Variants in XPR1 observed in about 807,000 individuals in gnomAD.
The protein encoded by XPR1 is xenotropic and polytropic retrovirus receptor 1.
In XPR1, 28 loss-of-function variants were observed where a neutral mutation model predicts 87.5. The observed-to-expected ratio is 0.32, with a 90% confidence interval of 0.24 to 0.44. The LOEUF (loss-of-function observed/expected upper bound fraction) is 0.44. XPR1 is among the 20% of genes least tolerant of loss of function. The pLI is 1.00. For missense variants in XPR1, 559 were observed against 862.3 expected (o/e 0.65, Z 4.41); for synonymous variants, 300 against 306.1 (o/e 0.98, Z 0.21).
chr1:180,887,587 C>T lies in XPR1; in HGVS notation c.*3521C>T, dbSNP rs957215423. On this transcript the variant is annotated 3_prime_UTR_variant, in exon 15 of 15. Coordinates refer to ENST00000367590, the MANE Select transcript of XPR1 (RefSeq NM_004736.4). ...GTAAGATTGGAAAGTAGTCAAAAAC[C>T]CATGTGCAACTTTTTTTCAGCACTC... 6.6e-6 allele frequency: 1 copy of T among 152,118 alleles called. No homozygotes were observed. Among genetic ancestry groups the T allele is most frequent in the Non-Finnish European group, 1.5e-5 (1 of 68,008 alleles). The allele number at this position is 152,118 out of a possible 1,614,324, so 9.4% of individuals were successfully genotyped here.
chr1:180,756,330 C>G (rs1420985659), intron 2 of XPR1, among the ~76,000 whole-genome samples: 1 of 152,226 alleles, frequency 6.6e-6, no homozygotes, highest in African/African-American at 2.4e-5. Flanking sequence ...TTATAGCCAT[C>G]CTGGAGGATA....
intron 2 of XPR1, among the ~76,000 whole-genome samples, chr1:180,698,663 G>A (rs1657249346): frequency 6.6e-6 from 1 of 152,078 alleles, no homozygotes. Flanking sequence ...TTCAGATGTA[G>A]AATTCCCTTA....
In XPR1 at chr1:180,881,134, A is replaced by C. The variant is rs77069487; in HGVS notation, c.2030+837A>C. 1.7e-3 allele frequency among the ~76,000 whole-genome samples: 253 copies of C among 152,282 alleles called. 1 individual carries two copies. The highest frequency in any genetic ancestry group is 5.7e-3 in the African/African-American group (236 of 41,562). ...ATGATTGTAAAAGGCTGAAAATGCA[A>C]ACTTGATCTTGTAGGCAGGAATGAG... On this transcript the variant is annotated intron_variant, in intron 14 of 14. Transcript: ENST00000367590.
At chr1:180,734,467 C>G (rs1284951843) in intron 2 of XPR1, among the ~76,000 whole-genome samples, 1 of 152,166 alleles carries the variant, frequency 6.6e-6, no homozygotes, top group East Asian at 1.9e-4. Flanking sequence ...GGTGAGGGGT[C>G]TGGCATCTTA....
chr1:180,820,050 C>T (rs918934905), intron 7 of XPR1, among the ~76,000 whole-genome samples: 9 of 151,708 alleles, frequency 5.9e-5, no homozygotes, highest in Non-Finnish European at 1.3e-4. Flanking sequence ...TATATACACA[C>T]ACATACACAC....
At chr1:180,839,705 TTAGAC>T (rs1651437131) in intron 11 of XPR1, among the ~76,000 whole-genome samples, 1 of 152,258 alleles carries the variant, frequency 6.6e-6, no homozygotes, top group East Asian at 1.9e-4. Flanking sequence ...AAAGAAGTGT[TTAGAC>T]TAGGGGTTGG....
In XPR1 at chr1:180,813,049, C is replaced by CT. The variant is rs941827681; in HGVS notation, c.763+1561_763+1562insT. ...CTACTAGTGTCTTTTTTCCCCCCCC[C>CT]CAATGGAAGTTAGATCATGTCACTC... On this transcript the variant is annotated intron_variant, in intron 7 of 14. Transcript: ENST00000367590. Among the ~76,000 whole-genome samples, 7 of 144,448 alleles carry CT rather than the reference C, an allele frequency of 4.8e-5. No individual in the cohort carries two copies. The East Asian group carries it at 1.3e-3, about 28-fold the overall frequency. 94.8% of individuals were successfully genotyped at this position (144,448 alleles called of 152,430 possible). A position where few individuals can be genotyped will look rare whatever the true frequency, so the allele number is the denominator to read the frequency against.
rs1651350808 is a variant in XPR1, at chr1:180,837,743, AAC to A, written c.1501+1031_1501+1032del. Among the ~76,000 whole-genome samples the A allele has an allele frequency of 4.6e-5, 7 of 152,160 alleles. No homozygotes were observed. In the South Asian group the frequency reaches 1.4e-3, roughly 31 times the overall value. On this transcript the variant is annotated intron_variant, in intron 11 of 14. Transcript: ENST00000367590. ...ATAATTTAAGTATGTCAGTGAAGGA[AAC>A]ACATCCCCAAAGTTCCCATAATTTT...
intron 11 of XPR1, among the ~76,000 whole-genome samples, chr1:180,859,912 A>G (rs1652163355): frequency 6.6e-6 from 1 of 152,148 alleles, no homozygotes; most frequent in Middle Eastern, 3.2e-3. Context: ...TGGAAAATGA[A>G]AAGACAAGCC....
chr1:180,657,550 C>A (rs191302042), intron 1 of XPR1, among the ~76,000 whole-genome samples: 6 of 152,236 alleles, frequency 3.9e-5, no homozygotes, highest in Admixed American at 2.0e-4. Flanking sequence ...AGAGATTGTC[C>A]TTTCTCCAAT....
At chr1:180,725,316 T>A (rs547588227) in intron 2 of XPR1, among the ~76,000 whole-genome samples, 1 of 152,156 alleles carries the variant, frequency 6.6e-6, no homozygotes, top group Admixed American at 6.5e-5. Flanking sequence ...TTTTTGAAGA[T>A]CTGACTAATC....
At chr1:180,763,234 G>A (rs1571812517) in intron 2 of XPR1, among the ~76,000 whole-genome samples, 1 of 152,216 alleles carries the variant, frequency 6.6e-6, no homozygotes, top group Admixed American at 6.5e-5. Flanking sequence ...CATGGATGTG[G>A]AAGGTTTGCA....
At chr1:180,632,296 G>A (rs371495767) in intron 1 of XPR1, 26 bp downstream of exon 1, 335 of 1,602,722 alleles carry the variant, frequency 2.1e-4, no homozygotes, top group Non-Finnish European at 2.7e-4. Context: ...GGGTGTGGGA[G>A]GACTCGGAGG....
Position 180,824,752 on chromosome 1 carries a change from G to A in XPR1, c.764-1G>A. On this transcript the variant is annotated splice_acceptor_variant, in intron 7 of 14. Transcript: ENST00000367590. LOFTEE classifies it high-confidence loss of function. Reference sequence around the variant, plus strand: ...TGACCAATATCTTAATATTCTTTCAGCTGTATTTAAACTTGAAACAGATAG... The same window carrying A: ...TGACCAATATCTTAATATTCTTTCAACTGTATTTAAACTTGAAACAGATAG... 6.2e-7 allele frequency: 1 copy of A among 1,603,912 alleles called. No individual in the cohort carries two copies. Among genetic ancestry groups the A allele is most frequent in the Non-Finnish European group, 8.5e-7 (1 of 1,176,570 alleles).
At chr1:180,729,014 G>A (rs1423662798) in intron 2 of XPR1, among the ~76,000 whole-genome samples, 2 of 152,096 alleles carry the variant, frequency 1.3e-5, no homozygotes. Flanking sequence ...CCTCAAGTAG[G>A]CCCCAGTGTT....
intron 2 of XPR1, among the ~76,000 whole-genome samples, chr1:180,731,791 A>T (rs1305832066): frequency 6.6e-6 from 1 of 152,258 alleles, no homozygotes. Context: ...CTTAAAGCAC[A>T]TCTCAATTTG....
Position 180,886,810 on chromosome 1 carries a change from G to A in XPR1, c.*2744G>A, listed in dbSNP as rs1478560249. 6.6e-6 allele frequency: 1 copy of A among 152,166 alleles called. No homozygotes were observed. The highest frequency in any genetic ancestry group is 6.5e-5 in the Admixed American group (1 of 15,280). The allele number at this position is 152,166 out of a possible 1,614,324, so 9.4% of individuals were successfully genotyped here. ...CTAAATTTTATATGCCCTAGCAGTT[G>A]CGAATGTTGTGTCCACCTTACAATT... On this transcript the variant is annotated 3_prime_UTR_variant, in exon 15 of 15. Transcript: ENST00000367590.
intron 9 of XPR1, among the ~76,000 whole-genome samples, chr1:180,827,274 G>A (rs966632031): frequency 4.6e-5 from 7 of 151,830 alleles, no homozygotes; most frequent in Admixed American, 6.6e-5. Context: ...ACAGGCATGA[G>A]CCACTGTGCC....
intron 6 of XPR1, 80 bp from the exon 7 acceptor site, chr1:180,811,327 A>C: frequency 8.9e-7 from 1 of 1,129,660 alleles, no homozygotes; most frequent in Non-Finnish European, 1.3e-6. Context: ...TTTGAGACTC[A>C]TTCTACTATT....
Sources: allele counts gnomAD v4.1 joint callset (sites outside exome capture counted in the v4.1 genomes callset), GRCh38; gene constraint gnomAD v4.1.1; transcripts MANE v1.5; gene names NCBI Gene and HGNC (gene_info 2026-07-23, HGNC 2026-07-21).